Variants in SLC25A48 observed in about 807,000 individuals in gnomAD.
The protein encoded by SLC25A48 is solute carrier family 25 member 48, also known as CTC-321K16.1.
SLC25A48 carries 29 observed loss-of-function variants against 32.2 expected under a neutral mutation model. The ratio of observed to expected loss-of-function variants is 0.90; its 90% CI spans 0.67 to 1.23. The LOEUF is 1.23. Ranked by LOEUF, SLC25A48 falls within the 50% of genes most tolerant of loss-of-function variation. The pLI is 0.00. For missense variants in SLC25A48, 399 were observed against 422.7 expected (o/e 0.94, Z 0.49); for synonymous variants, 164 against 172.3 (o/e 0.95, Z 0.38).
At position 135,880,102 on chromosome 5, in the gene SLC25A48, G is replaced by T. The variant is rs1762354881; in HGVS notation, c.*7+5G>T. On this transcript the variant is annotated splice_donor_5th_base_variant and intron_variant, in intron 7 of 7. Coordinates refer to ENST00000681962, the MANE Select transcript of SLC25A48 (RefSeq NM_001349336.2). The stretch of plus-strand genomic sequence containing the variant: ...TGACGAGCCCATAAGCGCCAGGTCA[G>T]TGTGCTTCCATCCTGGCCAATTGTG... 1 of 1,535,146 alleles carries T rather than the reference G, an allele frequency of 6.5e-7. No homozygotes were observed. The highest frequency in any genetic ancestry group is 1.4e-5 in the African/African-American group (1 of 73,012).
At chr5:135,727,676 G>T (rs1175814101) in intron 3 of SLC25A48, among the ~76,000 whole-genome samples, 1 of 152,028 alleles carries the variant, frequency 6.6e-6, no homozygotes, top group African/African-American at 2.4e-5. Context: ...TCTCTCTGTT[G>T]ATCTGTGTTT....
intron 3 of SLC25A48, among the ~76,000 whole-genome samples, chr5:135,724,156 G>C (rs968189940): frequency 8.5e-5 from 13 of 152,186 alleles, no homozygotes; most frequent in East Asian, 1.9e-4. Context: ...CCATCATCAT[G>C]ATCATTTTTC....
chr5:135,700,414 A>C (rs1338622556), intron 3 of SLC25A48, among the ~76,000 whole-genome samples: 1 of 151,424 alleles, frequency 6.6e-6, no homozygotes, highest in Non-Finnish European at 1.5e-5. Flanking sequence ...AAAGAAAATG[A>C]TATTGGACTG....
intron 4 of SLC25A48, among the ~76,000 whole-genome samples, chr5:135,866,137 A>T (rs1396660475): frequency 6.6e-6 from 1 of 152,194 alleles, no homozygotes; most frequent in Non-Finnish European, 1.5e-5. Context: ...TGATTTGTGA[A>T]GGATTTTCTG....
intron 2 of SLC25A48, among the ~76,000 whole-genome samples, chr5:135,631,725 C>T (rs1389636265): frequency 3.3e-5 from 5 of 152,166 alleles, no homozygotes; most frequent in Admixed American, 6.5e-5. Flanking sequence ...CAGGGCTACT[C>T]CAGAGGGGAG....
intron 7 of SLC25A48, among the ~76,000 whole-genome samples, chr5:135,882,881 C>T (rs1343570957): frequency 2.6e-5 from 4 of 152,216 alleles, no homozygotes; most frequent in African/African-American, 9.7e-5. Flanking sequence ...ACATAGTGCT[C>T]TTATGATACC....
chr5:135,696,571 G>A (rs1754271295), intron 3 of SLC25A48, among the ~76,000 whole-genome samples: 1 of 152,170 alleles, frequency 6.6e-6, no homozygotes, highest in Non-Finnish European at 1.5e-5. Flanking sequence ...TGCTCTCTCT[G>A]CTGGGCCCTT....
At chr5:135,760,906 A>G (rs1433400975) in intron 3 of SLC25A48, among the ~76,000 whole-genome samples, 5 of 152,230 alleles carry the variant, frequency 3.3e-5, no homozygotes, top group South Asian at 4.1e-4. Context: ...TGTCAAGAGT[A>G]TAACAGTAAA....
chr5:135,627,407 T>C (rs1752462489), intron 1 of SLC25A48, among the ~76,000 whole-genome samples: 1 of 152,180 alleles, frequency 6.6e-6, no homozygotes, highest in Non-Finnish European at 1.5e-5. Flanking sequence ...ATGACTATGA[T>C]TCTGCCTCCT....
intron 1 of SLC25A48, among the ~76,000 whole-genome samples, chr5:135,584,555 A>G (rs774036097): frequency 1.3e-5 from 2 of 152,248 alleles, no homozygotes; most frequent in African/African-American, 2.4e-5. Flanking sequence ...GGGACTATCA[A>G]TTGGTACAAA....
intron 3 of SLC25A48, among the ~76,000 whole-genome samples, chr5:135,770,090 G>GA (rs1294923681): frequency 6.6e-6 from 1 of 151,378 alleles, no homozygotes; most frequent in Non-Finnish European, 1.5e-5. Context: ...ATAGCCGGGG[G>GA]GGAGACAATG....
At chr5:135,885,281 C>G (rs1273100603) in intron 7 of SLC25A48, among the ~76,000 whole-genome samples, 2 of 152,158 alleles carry the variant, frequency 1.3e-5, no homozygotes, top group Admixed American at 6.5e-5. Flanking sequence ...GCCAGGCATA[C>G]AATGGGCATT....
At chr5:135,671,243 C>G (rs546341360) in intron 3 of SLC25A48, among the ~76,000 whole-genome samples, 1 of 152,330 alleles carries the variant, frequency 6.6e-6, no homozygotes, top group African/African-American at 2.4e-5. Context: ...TGTGCCCATA[C>G]AAGCCCAGAC....
At chr5:135,742,668 G>A (rs1234849913) in intron 3 of SLC25A48, 10 of 548,230 alleles carry the variant, frequency 1.8e-5, no homozygotes, top group African/African-American at 5.8e-5. Flanking sequence ...GCTAGGAAGA[G>A]CTAAGTCCTA....
intron 3 of SLC25A48, among the ~76,000 whole-genome samples, chr5:135,713,422 T>C (rs777782649): frequency 2.6e-5 from 4 of 152,210 alleles, no homozygotes; most frequent in African/African-American, 4.8e-5. Flanking sequence ...CAGGGGCCCT[T>C]CTGAGGCCTC....
At chr5:135,826,764 C>T (rs1319288879) in intron 4 of SLC25A48, 5 of 152,172 alleles carry the variant, frequency 3.3e-5, no homozygotes, top group African/African-American at 4.8e-5. Context: ...AGCAGACAGC[C>T]GGGAACTGTG....
At chr5:135,779,176 G>A (rs1561489269) in intron 3 of SLC25A48, among the ~76,000 whole-genome samples, 1 of 151,816 alleles carries the variant, frequency 6.6e-6, no homozygotes, top group Non-Finnish European at 1.5e-5. Flanking sequence ...CTAATATCCA[G>A]AGCATGAGAG....
At chr5:135,791,184 C>A (rs556428692) in intron 3 of SLC25A48, among the ~76,000 whole-genome samples, 11 of 151,764 alleles carry the variant, frequency 7.2e-5, no homozygotes, top group African/African-American at 2.4e-4. Flanking sequence ...TGAGGGTACA[C>A]CCTGTATCAC....
intron 4 of SLC25A48, among the ~76,000 whole-genome samples, chr5:135,870,433 T>C (rs563369897): frequency 6.6e-6 from 1 of 152,144 alleles, no homozygotes; most frequent in South Asian, 2.1e-4. Context: ...GGGAGATGGG[T>C]AGCAAATGAG....
Sources: gnomAD v4.1 joint callset for allele counts (sites outside exome capture counted in the v4.1 genomes callset) on GRCh38, gnomAD v4.1.1 for gene constraint, MANE v1.5 for transcripts, NCBI Gene and HGNC (gene_info 2026-07-23, HGNC 2026-07-21) for gene names.